The following SPATA13 variants were observed in gnomAD, a reference collection of about 807,000 sequenced individuals.
SPATA13 encodes spermatogenesis-associated protein 13.
Under a neutral mutation model 104.0 loss-of-function variants are expected in SPATA13, and 50 were observed. The ratio of observed to expected loss-of-function variants is 0.48; its 90% CI spans 0.38 to 0.61. The LOEUF is 0.61. SPATA13 is among the 20% of genes least tolerant of loss of function. The pLI is 0.00. For synonymous variants in SPATA13, 606 were observed against 667.5 expected, an observed-to-expected ratio of 0.91 and a Z score of 1.42; for missense variants, 1,524 against 1,690.6, an observed-to-expected ratio of 0.90 and a Z score of 1.73.
intron 2 of SPATA13, among the ~76,000 whole-genome samples, chr13:24,241,798 TC>T (rs1398002557): frequency 1.3e-5 from 2 of 152,212 alleles, no homozygotes; most frequent in African/African-American, 4.8e-5. Context: ...ACTCCTGTAA[TC>T]CCAGCACTTT....
At chr13:24,279,020 A>C (rs1875279890) in intron 4 of SPATA13, among the ~76,000 whole-genome samples, 4 of 127,144 alleles carry the variant, frequency 3.1e-5, no homozygotes, top group African/African-American at 6.0e-5. Flanking sequence ...CCTGCCTCCC[A>C]TGTATGCCAG....
chr13:24,173,543 T>C (rs1307669352), intron 1 of SPATA13, among the ~76,000 whole-genome samples: 11 of 150,016 alleles, frequency 7.3e-5, no homozygotes, highest in African/African-American at 2.7e-4. Flanking sequence ...TTGCATTGGC[T>C]ATGGCATCCT....
chr13:24,157,557 C>T (rs992745022), upstream of SPATA13, among the ~76,000 whole-genome samples: 1 of 152,208 alleles, frequency 6.6e-6, no homozygotes, highest in African/African-American at 2.4e-5. Flanking sequence ...GTCTTGGCCT[C>T]CCAAAGTGCT....
chr13:24,288,916 T>C (rs1876142201), intron 7 of SPATA13, 83 bp from the exon 8 acceptor site: 3 of 1,222,466 alleles, frequency 2.5e-6, no homozygotes. Flanking sequence ...TCCAAGTTCA[T>C]GGCTTTAGGC....
chr13:24,179,639 A>G (rs972464551), intron 1 of SPATA13, among the ~76,000 whole-genome samples: 2 of 151,868 alleles, frequency 1.3e-5, no homozygotes, highest in African/African-American at 4.8e-5. Flanking sequence ...GGCAACCTCT[A>G]TTTTACTTTC....
chr13:24,209,110 G>A (rs894973887), intron 1 of SPATA13, among the ~76,000 whole-genome samples: 4 of 152,144 alleles, frequency 2.6e-5, no homozygotes, highest in Non-Finnish European at 4.4e-5. Context: ...TAACGGAGGT[G>A]CAGAGATAGA....
chr13:24,122,647 T>TG (rs369292654), intron 3 of SPATA13: 2 of 1,183,664 alleles, frequency 1.7e-6, no homozygotes, highest in African/African-American at 3.0e-5. Context: ...ATACTGTATA[T>TG]CACTTCAAGA....
chr13:24,118,298 G>A (rs1056906667), intron 3 of SPATA13, among the ~76,000 whole-genome samples: 1 of 152,112 alleles, frequency 6.6e-6, no homozygotes, highest in Non-Finnish European at 1.5e-5. Context: ...TTATAGATAA[G>A]TTATTTCTAA....
chr13:24,192,043 C>A (rs554033812), intron 1 of SPATA13, among the ~76,000 whole-genome samples: 33 of 152,252 alleles, frequency 2.2e-4, no homozygotes, highest in African/African-American at 7.5e-4. Flanking sequence ...CAAGCCCCCA[C>A]CTCACCCAGG....
chr13:24,139,902 C>T (rs1352936696), intron 3 of SPATA13, among the ~76,000 whole-genome samples: 1 of 152,096 alleles, frequency 6.6e-6, no homozygotes, highest in Non-Finnish European at 1.5e-5. Context: ...CCTGTCTCTA[C>T]TAAAAAATTC....
intron 1 of SPATA13, among the ~76,000 whole-genome samples, chr13:24,166,498 G>T (rs766868369): frequency 6.6e-6 from 1 of 152,182 alleles, no homozygotes; most frequent in Non-Finnish European, 1.5e-5. Context: ...CCAGCTTGGT[G>T]ACTTGAGGGA....
chr13:23,999,689 A>G (rs1308007710), intron 2 of SPATA13, among the ~76,000 whole-genome samples: 1 of 152,218 alleles, frequency 6.6e-6, no homozygotes, highest in Non-Finnish European at 1.5e-5. Context: ...TCTGCCTCTC[A>G]GAGATTACTC....
intron 4 of SPATA13, among the ~76,000 whole-genome samples, chr13:24,262,618 A>C (rs574156195): frequency 6.6e-6 from 1 of 152,230 alleles, no homozygotes; most frequent in Non-Finnish European, 1.5e-5. Flanking sequence ...ACTTAATCTC[A>C]AAGTCTTCAT....
In SPATA13 at chr13:24,115,655, C is replaced by T. The variant is rs564809509; in HGVS notation, c.-112+97954C>T. ...AGGTTGGAGACTGCTGGTTTACAAC[C>T]GCAATGAACATTCATCATCCCACAC... On this transcript the variant is annotated intron_variant, in intron 3 of 14. Transcript: ENST00000424834. 2.9e-3 allele frequency among the ~76,000 whole-genome samples: 447 copies of T among 152,308 alleles called. 4 individuals are homozygous for T. Among genetic ancestry groups the T allele is most frequent in the African/African-American group, 0.01 (416 of 41,558 alleles).
chr13:24,061,541 A>G (rs1164555403), intron 3 of SPATA13, among the ~76,000 whole-genome samples: 3 of 152,226 alleles, frequency 2.0e-5, no homozygotes, highest in Admixed American at 6.5e-5. Context: ...TGCAGCCATA[A>G]CAAAGAATGA....
intron 3 of SPATA13, among the ~76,000 whole-genome samples, chr13:24,127,347 AC>A (rs1030804097): frequency 9.2e-5 from 14 of 152,204 alleles, no homozygotes; most frequent in African/African-American, 3.4e-4. Flanking sequence ...CCACAATGAC[AC>A]CAGCAGGGAG....
chr13:24,048,702 G>T (rs1218577315), intron 3 of SPATA13, among the ~76,000 whole-genome samples: 1 of 151,936 alleles, frequency 6.6e-6, no homozygotes, highest in African/African-American at 2.4e-5. Context: ...TAAATAAATT[G>T]TATAAAGACC....
At chr13:23,992,469 C>G (rs1483119250) in intron 2 of SPATA13, among the ~76,000 whole-genome samples, 1 of 152,150 alleles carries the variant, frequency 6.6e-6, no homozygotes, top group South Asian at 2.1e-4. Flanking sequence ...GTGGCAGGTG[C>G]TGGTGGTGGT....
chr13:24,194,047 T>C (rs1869918214), intron 1 of SPATA13, among the ~76,000 whole-genome samples: 1 of 152,226 alleles, frequency 6.6e-6, no homozygotes, highest in African/African-American at 2.4e-5. Context: ...TCTTCCCAAC[T>C]TTGCATCCAT....
Sources: gnomAD v4.1 joint callset for allele counts (sites outside exome capture counted in the v4.1 genomes callset) on GRCh38, gnomAD v4.1.1 for gene constraint, MANE v1.5 for transcripts, NCBI Gene and HGNC (gene_info 2026-07-23, HGNC 2026-07-21) for gene names.